Variants in KLF8 observed in about 807,000 individuals in gnomAD.
KLF8 encodes the protein KLF transcription factor 8, also known as Krueppel-like factor 8.
Under a neutral mutation model 18.2 loss-of-function variants are expected in KLF8, and 10 were observed. The ratio of observed to expected loss-of-function variants is 0.55; its 90% CI spans 0.34 to 0.93. KLF8 has a LOEUF of 0.93. Ranked by LOEUF, KLF8 falls within the 40% of genes least tolerant of loss-of-function variation. The probability of loss-of-function intolerance (pLI) is 0.02; values close to 1 mark genes in which losing one functional copy is unlikely to be tolerated. For missense variants in KLF8, 264 were observed against 277.9 expected, an observed-to-expected ratio of 0.95 and a Z score of 0.36; for synonymous variants, 109 against 97.3, an observed-to-expected ratio of 1.12 and a Z score of -0.71.
At chrX:56,079,411 T>C in the KLF8 span, among the ~76,000 whole-genome samples, 2 of 111,851 alleles carry the variant, frequency 1.8e-5, no homozygotes, top group South Asian at 7.6e-4. Flanking sequence ...CCAGTAGTCA[T>C]TCAGGAGCAG....
At chrX:56,175,320 G>T in the KLF8 span, among the ~76,000 whole-genome samples, 3 of 112,094 alleles carry the variant, frequency 2.7e-5, no homozygotes, top group Non-Finnish European at 5.6e-5. Flanking sequence ...TGGTTTCAAA[G>T]AACATCTTTA....
chrX:56,049,925 A>T, the KLF8 span, among the ~76,000 whole-genome samples: 1 of 109,239 alleles, frequency 9.2e-6, no homozygotes, highest in Non-Finnish European at 1.9e-5. Flanking sequence ...TAAGCTATTG[A>T]TTATTGCCAC....
the KLF8 span, among the ~76,000 whole-genome samples, chrX:56,002,409 TTG>T: frequency 2.9e-5 from 2 of 69,154 alleles, no homozygotes; most frequent in Non-Finnish European, 5.6e-5. Flanking sequence ...ATTAATCAAT[TTG>T]TGTGTATGTG....
the KLF8 span, among the ~76,000 whole-genome samples, chrX:56,118,742 G>T: frequency 9.0e-6 from 1 of 111,347 alleles, no homozygotes; most frequent in South Asian, 3.8e-4. Flanking sequence ...ACTTCTTCTG[G>T]GTGATAAAAT....
the KLF8 span, among the ~76,000 whole-genome samples, chrX:56,133,092 A>G: frequency 8.9e-6 from 1 of 111,922 alleles, no homozygotes; most frequent in East Asian, 2.8e-4. Flanking sequence ...ACATTCAAGG[A>G]AGAATTGGTA....
At chrX:56,028,264 C>T in the KLF8 span, among the ~76,000 whole-genome samples, 8 of 108,793 alleles carry the variant, frequency 7.4e-5, no homozygotes, top group East Asian at 5.6e-4. Context: ...GGCTCTCAGT[C>T]GCCCCCCTTT....
the KLF8 span, among the ~76,000 whole-genome samples, chrX:56,056,709 T>C: frequency 1.1e-5 from 1 of 92,128 alleles, no homozygotes; most frequent in East Asian, 3.6e-4. Context: ...AGATGACGAG[T>C]TAGTGGGTGC....
At chrX:56,221,987 G>A in the KLF8 span, among the ~76,000 whole-genome samples, 1 of 111,184 alleles carries the variant, frequency 9.0e-6, no homozygotes, top group South Asian at 3.8e-4. Flanking sequence ...GGTGCTGATT[G>A]GTGCGTTTAC....
chrX:56,186,810 G>T, the KLF8 span, among the ~76,000 whole-genome samples: 1 of 112,139 alleles, frequency 8.9e-6, no homozygotes, highest in African/African-American at 3.2e-5. Context: ...CAGAAGTAAA[G>T]ATGTTCTTTG....
the KLF8 span, among the ~76,000 whole-genome samples, chrX:56,114,666 C>T: frequency 8.9e-6 from 1 of 112,566 alleles, no homozygotes; most frequent in African/African-American, 3.2e-5. Flanking sequence ...AAATAACTTC[C>T]TTGTTCTTTA....
the KLF8 span, among the ~76,000 whole-genome samples, chrX:55,921,685 A>G: frequency 1.8e-5 from 2 of 112,043 alleles, no homozygotes; most frequent in Non-Finnish European, 3.8e-5. Context: ...GAGACAACCT[A>G]CAGAATAGGA....
chrX:56,147,815 C>A, the KLF8 span, among the ~76,000 whole-genome samples: 2 of 111,985 alleles, frequency 1.8e-5, no homozygotes, highest in African/African-American at 6.5e-5. Flanking sequence ...TCTGTCTCTA[C>A]TAAAAATACA....
At chrX:55,990,526 A>T in the KLF8 span, among the ~76,000 whole-genome samples, 58,638 of 111,042 alleles carry the variant, frequency 0.53, 13,609 homozygotes, top group East Asian at 0.75. Flanking sequence ...TGAGTTTCTT[A>T]ATCTCACTGC....
At chrX:56,140,173 T>A in the KLF8 span, among the ~76,000 whole-genome samples, 74 of 112,480 alleles carry the variant, frequency 6.6e-4, no homozygotes, top group Admixed American at 1.7e-3. Context: ...GTAAATTAGT[T>A]CAGCCACTGT....
the KLF8 span, among the ~76,000 whole-genome samples, chrX:56,105,313 G>A: frequency 9.0e-6 from 1 of 111,318 alleles, no homozygotes; most frequent in South Asian, 3.8e-4. Context: ...TGTCAGTGGG[G>A]TGTTAAAGTC....
the KLF8 span, among the ~76,000 whole-genome samples, chrX:55,910,484 G>C: frequency 2.7e-5 from 3 of 111,508 alleles, no homozygotes; most frequent in Non-Finnish European, 5.6e-5. Flanking sequence ...CTGAGGGAAA[G>C]GTGTTCTAGA....
the KLF8 span, chrX:55,962,369 C>G: frequency 4.7e-6 from 1 of 214,068 alleles, no homozygotes; most frequent in Non-Finnish European, 8.9e-6. Context: ...GGTGGAGCAG[C>G]TGACCAATGA....
At chrX:56,209,088 G>A in the KLF8 span, among the ~76,000 whole-genome samples, 10 of 111,224 alleles carry the variant, frequency 9.0e-5, no homozygotes, top group South Asian at 3.8e-4. Flanking sequence ...ATTGCATTGG[G>A]GTCTTTCTCT....
chrX:56,259,179 T>C (rs1288490084), intron 2 of KLF8, among the ~76,000 whole-genome samples: 2 of 110,888 alleles, frequency 1.8e-5, no homozygotes, highest in African/African-American at 6.6e-5. Context: ...TTGGCACATA[T>C]TTTCACACAG....
Sources: allele counts gnomAD v4.1 joint callset (sites outside exome capture counted in the v4.1 genomes callset), GRCh38; gene constraint gnomAD v4.1.1; transcripts MANE v1.5; gene names NCBI Gene and HGNC (gene_info 2026-07-23, HGNC 2026-07-21).